TENT5D: variants seen among roughly 807,000 people sequenced by gnomAD.
TENT5D encodes the protein cancer/testis antigen 112.
For missense variants in TENT5D, 191 were observed against 287.0 expected (o/e 0.67, Z 2.42); for synonymous variants, 103 against 100.6 (o/e 1.02, Z -0.15).
chrX:80,362,174 T>A (rs1392791777), intron 3 of TENT5D, among the ~76,000 whole-genome samples: 5 of 111,294 alleles, frequency 4.5e-5, no homozygotes, highest in African/African-American at 1.6e-4. Flanking sequence ...ATCTTTTTTT[T>A]TTTTCTTGAG....
chrX:80,416,545 G>A (rs990792670), upstream of TENT5D, among the ~76,000 whole-genome samples: 7 of 108,968 alleles, frequency 6.4e-5, no homozygotes, highest in African/African-American at 1.7e-4. Context: ...TAATTTCCTC[G>A]TTTACCCTGA....
At chrX:80,398,454 G>A (rs1319844579) in intron 3 of TENT5D, among the ~76,000 whole-genome samples, 1 of 111,057 alleles carries the variant, frequency 9.0e-6, no homozygotes, top group Non-Finnish European at 1.9e-5. Flanking sequence ...CCTGTATCTT[G>A]GGGTCTTTAT....
chrX:80,342,584 G>C (rs767552756), intron 3 of TENT5D: 1 of 112,533 alleles, frequency 8.9e-6, no homozygotes, highest in Admixed American at 9.4e-5. Context: ...AAAGGTTAGA[G>C]AGAAATAAAT....
At chrX:80,409,931 G>A (rs1201889163) in intron 3 of TENT5D, among the ~76,000 whole-genome samples, 2 of 108,711 alleles carry the variant, frequency 1.8e-5, no homozygotes, top group Non-Finnish European at 3.8e-5. Context: ...AGAGCCCTCA[G>A]AAATAACACC....
chrX:80,441,747 A>G (rs1044709558), intron 2 of TENT5D, among the ~76,000 whole-genome samples: 4 of 111,378 alleles, frequency 3.6e-5, no homozygotes, highest in Non-Finnish European at 7.6e-5. Flanking sequence ...AGCATATTAT[A>G]TTGCAAATCT....
chrX:80,353,952 A>T (rs1025827594), intron 3 of TENT5D, among the ~76,000 whole-genome samples: 13 of 109,347 alleles, frequency 1.2e-4, no homozygotes, highest in Non-Finnish European at 2.1e-4. Flanking sequence ...TATTATTATT[A>T]TTTTTTTTTA....
chrX:80,444,595 C>T (rs1306958493), exon 3 of TENT5D: 1 of 122,396 alleles, frequency 8.2e-6, no homozygotes, highest in African/African-American at 3.3e-5. Flanking sequence ...ATAGCATTTA[C>T]CATTTTATGG....
chrX:80,422,169 T>C (rs2147560122), intron 1 of TENT5D, among the ~76,000 whole-genome samples: 1 of 111,474 alleles, frequency 9.0e-6, no homozygotes, highest in East Asian at 2.8e-4. Flanking sequence ...TTTATTTCTC[T>C]CCCTTTAAAA....
chrX:80,383,713 G>A (rs1039162077), intron 3 of TENT5D, among the ~76,000 whole-genome samples: 4 of 111,071 alleles, frequency 3.6e-5, no homozygotes, highest in African/African-American at 1.3e-4. Flanking sequence ...AAAATTAGCC[G>A]GGCATGGTGG....
intron 3 of TENT5D, among the ~76,000 whole-genome samples, chrX:80,404,690 T>G (rs1174974134): frequency 3.6e-5 from 4 of 112,188 alleles, no homozygotes; most frequent in African/African-American, 9.7e-5. Context: ...GACTGGCATC[T>G]TCTACCAGGC....
chrX:80,401,396 T>C (rs1931387359), intron 3 of TENT5D, among the ~76,000 whole-genome samples: 1 of 111,618 alleles, frequency 9.0e-6, no homozygotes, highest in Admixed American at 9.6e-5. Context: ...TTAGATGCCT[T>C]TTATTTCTTT....
intron 3 of TENT5D, among the ~76,000 whole-genome samples, chrX:80,373,235 C>A (rs1336610783): frequency 9.1e-6 from 1 of 109,725 alleles, no homozygotes; most frequent in Non-Finnish European, 1.9e-5. Flanking sequence ...ATTACATTTC[C>A]AGGATTTTGA....
intron 3 of TENT5D, among the ~76,000 whole-genome samples, chrX:80,408,949 C>G (rs1254265329): frequency 9.0e-6 from 1 of 110,859 alleles, no homozygotes; most frequent in African/African-American, 3.3e-5. Context: ...TCAATATACG[C>G]AAATCAATAA....
intron 2 of TENT5D, among the ~76,000 whole-genome samples, chrX:80,342,073 A>G (rs1463076679): frequency 9.0e-6 from 1 of 111,605 alleles, no homozygotes; most frequent in African/African-American, 3.3e-5. Context: ...GAAAAAATAC[A>G]TATCATTTAA....
At chrX:80,412,944 AT>A (rs57462754) in intron 3 of TENT5D, among the ~76,000 whole-genome samples, 12 of 107,029 alleles carry the variant, frequency 1.1e-4, no homozygotes, top group South Asian at 3.9e-4. Flanking sequence ...GTGTTACTAT[AT>A]TTTTTTTTTG....
At chrX:80,385,654 A>T (rs1930979669) in intron 3 of TENT5D, among the ~76,000 whole-genome samples, 1 of 111,803 alleles carries the variant, frequency 8.9e-6, no homozygotes, top group South Asian at 3.7e-4. Flanking sequence ...AATGGGAGAA[A>T]ATTTTTGCAA....
At chrX:80,385,158 C>G (rs1431753117) in intron 3 of TENT5D, among the ~76,000 whole-genome samples, 1 of 111,486 alleles carries the variant, frequency 9.0e-6, no homozygotes, top group African/African-American at 3.3e-5. Context: ...ATCACACTAC[C>G]TGACTTCAAA....
At chrX:80,362,739 T>G (rs1453232670) in intron 3 of TENT5D, among the ~76,000 whole-genome samples, 1 of 111,775 alleles carries the variant, frequency 8.9e-6, no homozygotes, top group Non-Finnish European at 1.9e-5. Flanking sequence ...TTCCCTCTAA[T>G]GGGACTCTAT....
At chrX:80,345,501 G>A (rs1433213038) in intron 3 of TENT5D, among the ~76,000 whole-genome samples, 1 of 111,176 alleles carries the variant, frequency 9.0e-6, no homozygotes, top group Non-Finnish European at 1.9e-5. Flanking sequence ...GCATATTGGA[G>A]GTGAGAAGTT....
Sources: allele counts gnomAD v4.1 joint callset (sites outside exome capture counted in the v4.1 genomes callset), GRCh38; gene constraint gnomAD v4.1.1; transcripts MANE v1.5; gene names NCBI Gene and HGNC (gene_info 2026-07-23, HGNC 2026-07-21).